The following RAB3C variants were observed in gnomAD, a reference collection of about 807,000 sequenced individuals.
The protein encoded by RAB3C is ras-related protein Rab-3C.
A neutral mutation model predicts 26.4 loss-of-function variants in RAB3C; 17 were observed. That is an observed-to-expected ratio of 0.64 (90% CI 0.44 to 0.97). RAB3C has a LOEUF of 0.97. Ranked by LOEUF, RAB3C falls within the 50% of genes least tolerant of loss-of-function variation. The pLI, the probability that RAB3C is intolerant of heterozygous loss-of-function variation, is 0.00. For missense variants in RAB3C, 242 were observed against 281.9 expected, an observed-to-expected ratio of 0.86 and a Z score of 1.01; for synonymous variants, 91 against 95.9, an observed-to-expected ratio of 0.95 and a Z score of 0.30.
intron 3 of RAB3C, among the ~76,000 whole-genome samples, chr5:58,813,021 T>C (rs35735808): frequency 0.22 from 33,701 of 152,098 alleles, 4,070 homozygotes; most frequent in African/African-American, 0.3. Flanking sequence ...GAGCTCCTAC[T>C]CCATTGGAAA....
chr5:58,786,787 A>C (rs1218543317), intron 3 of RAB3C, among the ~76,000 whole-genome samples: 1 of 151,900 alleles, frequency 6.6e-6, no homozygotes, highest in African/African-American at 2.4e-5. Context: ...AAAAAAATCT[A>C]CTTATGTGTG....
intron 1 of RAB3C, among the ~76,000 whole-genome samples, chr5:58,587,554 A>G (rs1746038139): frequency 6.6e-6 from 1 of 152,148 alleles, no homozygotes; most frequent in South Asian, 2.1e-4. Context: ...TTTTTCGTTC[A>G]TTAGTTTATA....
chr5:58,686,944 C>T (rs560709462), intron 2 of RAB3C, among the ~76,000 whole-genome samples: 1 of 152,084 alleles, frequency 6.6e-6, no homozygotes, highest in African/African-American at 2.4e-5. Context: ...GATACAAGCC[C>T]AGTTACCCTC....
At chr5:58,833,692 G>A (rs1229130188) in intron 4 of RAB3C, among the ~76,000 whole-genome samples, 1 of 152,210 alleles carries the variant, frequency 6.6e-6, no homozygotes, top group Non-Finnish European at 1.5e-5. Context: ...AGAGAGTCAG[G>A]ATAGTGGAGA....
At chr5:58,695,396 G>A (rs969341781) in intron 2 of RAB3C, among the ~76,000 whole-genome samples, 20 of 152,214 alleles carry the variant, frequency 1.3e-4, no homozygotes, top group Admixed American at 9.8e-4. Context: ...GGATTGTTTT[G>A]GCAATGCAGG....
chr5:58,812,572 T>C (rs910282524), intron 3 of RAB3C, among the ~76,000 whole-genome samples: 3 of 152,218 alleles, frequency 2.0e-5, no homozygotes, highest in Admixed American at 6.5e-5. Flanking sequence ...TGGCCCAGAC[T>C]GCAAGCTCCC....
At chr5:58,807,713 G>T (rs537418904) in intron 3 of RAB3C, among the ~76,000 whole-genome samples, 1 of 152,170 alleles carries the variant, frequency 6.6e-6, no homozygotes, top group Non-Finnish European at 1.5e-5. Flanking sequence ...TTACATCCCA[G>T]AGGGTTGACC....
intron 3 of RAB3C, among the ~76,000 whole-genome samples, chr5:58,785,956 A>G (rs920118482): frequency 3.9e-5 from 6 of 152,228 alleles, no homozygotes; most frequent in Admixed American, 3.9e-4. Context: ...AAATTTGTGA[A>G]GCTTCTAGAT....
chr5:58,747,732 TTTATA>T, intron 3 of RAB3C, among the ~76,000 whole-genome samples: 1 of 151,380 alleles, frequency 6.6e-6, no homozygotes, highest in Admixed American at 6.6e-5. Flanking sequence ...GAGATATGAT[TTTATA>T]TATATATGTT....
chr5:58,695,259 C>T (rs1392919924), intron 2 of RAB3C, among the ~76,000 whole-genome samples: 1 of 152,124 alleles, frequency 6.6e-6, no homozygotes, highest in Non-Finnish European at 1.5e-5. Context: ...TTTCTGAGGC[C>T]TCTGTTCTGT....
chr5:58,793,281 G>A (rs532060637), intron 3 of RAB3C, among the ~76,000 whole-genome samples: 2 of 152,198 alleles, frequency 1.3e-5, no homozygotes, highest in African/African-American at 4.8e-5. Flanking sequence ...ATTCCTGGCC[G>A]GGCGCGGTGG....
At chr5:58,720,804 C>G (rs957571975) in intron 2 of RAB3C, among the ~76,000 whole-genome samples, 13 of 151,680 alleles carry the variant, frequency 8.6e-5, no homozygotes, top group African/African-American at 3.1e-4. Flanking sequence ...GTATTTTGAT[C>G]GTGGTTATAT....
intron 3 of RAB3C, among the ~76,000 whole-genome samples, chr5:58,793,541 A>G (rs1008610989): frequency 2.0e-5 from 3 of 152,056 alleles, no homozygotes; most frequent in East Asian, 1.9e-4. Flanking sequence ...CAAAAAAAAA[A>G]AAAAAAAAAT....
chr5:58,764,641 A>G (rs1741860890), intron 3 of RAB3C, among the ~76,000 whole-genome samples: 4 of 152,222 alleles, frequency 2.6e-5, no homozygotes, highest in Admixed American at 2.6e-4. Context: ...TTAAATGAGC[A>G]TAAAATTTAG....
At chr5:58,633,129 T>C (rs78329908) in intron 2 of RAB3C, among the ~76,000 whole-genome samples, 12,993 of 152,278 alleles carry the variant, frequency 0.085, 633 homozygotes, top group East Asian at 0.18. Context: ...TTCCAATGAC[T>C]AGAGGGAACT....
At chr5:58,585,587 T>C (rs1745993475) in intron 1 of RAB3C, among the ~76,000 whole-genome samples, 1 of 152,074 alleles carries the variant, frequency 6.6e-6, no homozygotes, top group Admixed American at 6.5e-5. Context: ...AGCTTTTTAA[T>C]GTATTTGCTT....
At chr5:58,757,504 CT>C (rs1385185824) in intron 3 of RAB3C, among the ~76,000 whole-genome samples, 2 of 152,280 alleles carry the variant, frequency 1.3e-5, no homozygotes, top group African/African-American at 2.4e-5. Context: ...TTTAGATAGC[CT>C]TTCGTGATCA....
chr5:58,780,153 T>C (rs1364302422), intron 3 of RAB3C, among the ~76,000 whole-genome samples: 2 of 152,076 alleles, frequency 1.3e-5, no homozygotes, highest in African/African-American at 4.8e-5. Context: ...GGCAGCAAAT[T>C]GTGGGTGGCA....
chr5:58,773,213 A>G (rs1742062228), intron 3 of RAB3C, among the ~76,000 whole-genome samples: 1 of 152,148 alleles, frequency 6.6e-6, no homozygotes, highest in Non-Finnish European at 1.5e-5. Flanking sequence ...CAGGGGACTA[A>G]CCACTATAGA....
Sources: allele counts gnomAD v4.1 joint callset (sites outside exome capture counted in the v4.1 genomes callset), GRCh38; gene constraint gnomAD v4.1.1; transcripts MANE v1.5; gene names NCBI Gene and HGNC (gene_info 2026-07-23, HGNC 2026-07-21).